Variants in NRIP1 observed in about 807,000 individuals in gnomAD.
NRIP1 encodes nuclear receptor-interacting protein 1.
A neutral mutation model predicts 75.0 loss-of-function variants in NRIP1; 28 were observed. The ratio of observed to expected loss-of-function variants is 0.37; its 90% CI spans 0.28 to 0.51. NRIP1 has a LOEUF of 0.51. Ranked by LOEUF, NRIP1 falls within the 20% of genes least tolerant of loss-of-function variation. The probability of loss-of-function intolerance (pLI) is 0.92; values close to 1 mark genes in which losing one functional copy is unlikely to be tolerated. For synonymous variants in NRIP1, 526 were observed against 487.6 expected (o/e 1.08, Z -1.04); for missense variants, 1,435 against 1,343.7 (o/e 1.07, Z -1.06).
chr21:15,059,690 C>T (rs565689763), intron 1 of NRIP1, among the ~76,000 whole-genome samples: 1 of 152,020 alleles, frequency 6.6e-6, no homozygotes, highest in Non-Finnish European at 1.5e-5. Flanking sequence ...TAATTATTTG[C>T]CCCATTATCT....
At chr21:15,045,174 T>C (rs192112774) in intron 1 of NRIP1, among the ~76,000 whole-genome samples, 2 of 152,238 alleles carry the variant, frequency 1.3e-5, no homozygotes, top group East Asian at 1.9e-4. Context: ...GGTTGGGTGG[T>C]AGGTGTCCAT....
chr21:14,965,556 A>T lies in NRIP1; in HGVS notation c.2637T>A (p.Asp879Glu), dbSNP rs1404608681. 2 of 1,613,954 alleles carry T rather than the reference A, an allele frequency of 1.2e-6. No homozygotes were observed. Among genetic ancestry groups the T allele is most frequent in the African/African-American group, 2.7e-5 (2 of 74,926 alleles). ...PFKKMKNNIVDAANNHSAPEV... is the reference protein window; with the variant it reads ...PFKKMKNNIVEAANNHSAPEV... ...CTGGGGCACTGTGATTGTTTGCAGC[A>T]TCAACAATGTTGTTTTTCATCTTTT... Residue 879 changes from aspartate to glutamate, a missense_variant, in exon 4 of 4, where the codon GAT becomes GAA. Transcript: ENST00000318948.
At position 14,968,238 on chromosome 21, in the gene NRIP1, A is replaced by G. The variant is rs1165986114; in HGVS notation, c.-46T>C. 4 of 1,392,858 alleles carry G rather than the reference A, an allele frequency of 2.9e-6. No homozygotes were observed. Among genetic ancestry groups the G allele is most frequent in the Admixed American group, 2.1e-5 (1 of 47,108 alleles). The allele number at this position is 1,392,858 out of a possible 1,614,324, so 86.3% of individuals were successfully genotyped here. On this transcript the variant is annotated 5_prime_UTR_variant, in exon 4 of 4. Coordinates refer to ENST00000318948, the MANE Select transcript of NRIP1 (RefSeq NM_003489.4). ...AGGGCTTGGTTTCTATTCACTTTAA[A>G]GAATGGTTTTCTGTGGTGAGTGCGA... is the stretch of plus-strand genomic sequence containing the variant.
chr21:15,012,161 C>T (rs2088118386), intron 3 of NRIP1, among the ~76,000 whole-genome samples: 1 of 152,116 alleles, frequency 6.6e-6, no homozygotes, highest in Admixed American at 6.5e-5. Flanking sequence ...CTGAGATATA[C>T]CAGATCCTCC....
intron 1 of NRIP1, among the ~76,000 whole-genome samples, chr21:15,057,526 C>T (rs1009379038): frequency 6.6e-6 from 1 of 152,172 alleles, no homozygotes; most frequent in Non-Finnish European, 1.5e-5. Context: ...GCAGAATCAT[C>T]GACTGGCAAC....
At chr21:15,018,693 CAT>C (rs2088295015) in intron 2 of NRIP1, among the ~76,000 whole-genome samples, 1 of 152,130 alleles carries the variant, frequency 6.6e-6, no homozygotes, top group Non-Finnish European at 1.5e-5. Context: ...ACCCCACACA[CAT>C]ATACACACAC....
At chr21:14,979,386 C>T (rs1181107793) in intron 3 of NRIP1, among the ~76,000 whole-genome samples, 1 of 152,156 alleles carries the variant, frequency 6.6e-6, no homozygotes, top group Non-Finnish European at 1.5e-5. Context: ...TCCTACTAAA[C>T]TCAACTATGG....
At chr21:15,032,963 C>T (rs2088742886) in intron 2 of NRIP1, among the ~76,000 whole-genome samples, 1 of 152,124 alleles carries the variant, frequency 6.6e-6, no homozygotes, top group South Asian at 2.1e-4. Flanking sequence ...CGGTGGCTCA[C>T]GCCTGTAATC....
At position 14,968,167 on chromosome 21, in the gene NRIP1, G is replaced by A; in HGVS notation, c.26C>T (p.Ser9Phe). 3 of 1,612,220 alleles carry A rather than the reference G, an allele frequency of 1.9e-6. No homozygotes were observed. Among genetic ancestry groups the A allele is most frequent in the Non-Finnish European group, 2.5e-6 (3 of 1,179,122 alleles). ...AACAATAGAATCCTGGTGCACATCAGAGCCAAGCTCTTCTCCATGAGTCAT... is the reference window on the plus strand; with the variant it reads ...AACAATAGAATCCTGGTGCACATCAAAGCCAAGCTCTTCTCCATGAGTCAT... MTHGEELGSDVHQDSIVLT... is the reference protein window; with the variant it reads MTHGEELGFDVHQDSIVLT... Residue 9 changes from serine to phenylalanine, a missense_variant, in exon 4 of 4, where the codon TCT (serine) becomes TTT (phenylalanine). Transcript: ENST00000318948.
In NRIP1 at chr21:14,966,851, G is replaced by C. The variant is rs2229742; in HGVS notation, c.1342C>G (p.Arg448Gly). ...CVPIDLSCKH[R>G]TEKSESDQPV... is the part of the protein sequence containing the mutation. The stretch of plus-strand genomic sequence containing the variant: ...TGGTCAGATTCTGATTTTTCAGTTC[G>C]GTGTTTGCAAGACAAGTCTATGGGA... The change falls in exon 4 of 4, where the codon CGA becomes GGA. Residue 448 changes from arginine (R) to glycine (G), a missense_variant. Physicochemically the swap from Arg to Gly is moderately radical, Grantham distance 125. Coordinates refer to ENST00000318948, the MANE Select transcript of NRIP1 (RefSeq NM_003489.4). 149,439 of 1,613,906 alleles carry C rather than the reference G, an allele frequency of 0.093. 7,528 individuals are homozygous for C. The highest frequency in any genetic ancestry group is 0.1 in the Non-Finnish European group (122,928 of 1,179,896).
At position 14,967,841 on chromosome 21, in the gene NRIP1, CAGCTAGCAA is replaced by C; in HGVS notation, c.343_351del (p.Leu115_Ala117del). The C allele has an allele frequency of 1.2e-6, 2 of 1,613,986 alleles. No individual in the cohort carries two copies. The highest frequency in any genetic ancestry group is 3.3e-5 in the Admixed American group (2 of 60,008). On this transcript the variant is annotated inframe_deletion, in exon 4 of 4. Transcript: ENST00000318948. ...CCTTTAGGCACACTGTCAACCATGCCAGCTAGCAAAGCTTCCTTCTTTACGTTTAAATTC... is the reference window on the plus strand; with the variant it reads ...CCTTTAGGCACACTGTCAACCATGCCAGCTTCCTTCTTTACGTTTAAATTC...
chr21:14,998,594 A>G (rs1439541376), intron 3 of NRIP1, among the ~76,000 whole-genome samples: 1 of 152,190 alleles, frequency 6.6e-6, no homozygotes, highest in Non-Finnish European at 1.5e-5. Flanking sequence ...GTGTGGGTCC[A>G]CTTATAAGCA....
intron 3 of NRIP1, among the ~76,000 whole-genome samples, chr21:14,999,777 G>T (rs1385848741): frequency 2.0e-5 from 3 of 152,162 alleles, no homozygotes; most frequent in Non-Finnish European, 4.4e-5. Flanking sequence ...ACTGAACTTA[G>T]GGAAGTATCA....
chr21:15,061,710 T>A (rs1005222365), intron 1 of NRIP1, among the ~76,000 whole-genome samples: 10 of 152,348 alleles, frequency 6.6e-5, no homozygotes, highest in Non-Finnish European at 7.4e-5. Flanking sequence ...CAAACAACAG[T>A]TAGAACATGA....
intron 3 of NRIP1, among the ~76,000 whole-genome samples, chr21:14,976,524 T>G (rs2087074331): frequency 6.6e-6 from 1 of 152,170 alleles, no homozygotes; most frequent in African/African-American, 2.4e-5. Context: ...AAGACAGTAG[T>G]AAATACTGTG....
chr21:15,006,339 T>C (rs1341702149), intron 3 of NRIP1, among the ~76,000 whole-genome samples: 1 of 152,214 alleles, frequency 6.6e-6, no homozygotes, highest in African/African-American at 2.4e-5. Flanking sequence ...GATTCTTCCC[T>C]GGCAATGCTC....
At position 15,041,266 on chromosome 21, in the gene NRIP1, T is replaced by C. The variant is rs79917492; in HGVS notation, c.-458+2229A>G. 0.014 allele frequency among the ~76,000 whole-genome samples: 2,103 copies of C among 152,236 alleles called. 217 individuals are homozygous for C. The East Asian group carries it at 0.26, about 19-fold the overall frequency. ...TTCATACGACATGGTTCCAACTTTATATAGTTTAAAACAGGCAAAACTAAT... is the reference window on the plus strand; with the variant it reads ...TTCATACGACATGGTTCCAACTTTACATAGTTTAAAACAGGCAAAACTAAT... On this transcript the variant is annotated intron_variant, in intron 2 of 3. Coordinates refer to ENST00000318948, the MANE Select transcript of NRIP1 (RefSeq NM_003489.4).
Position 14,964,952 on chromosome 21 carries a change from T to G in NRIP1, c.3241A>C (p.Ser1081Arg), listed in dbSNP as rs745704844. The G allele has an allele frequency of 9.3e-6, 15 of 1,613,870 alleles. No individual in the cohort carries two copies. The Admixed American group carries it at 2.0e-4, about 22-fold the overall frequency. ...MLQKGGNSVT[S>R]RETQDKDIWR... ...ATGTCCTTGTCTTGTGTTTCTCGAC[T>G]GGTAACAGAATTGCCTCCTTTTTGA... Residue 1081 changes from serine (S) to arginine (R), a missense_variant, in exon 4 of 4, where the codon AGT becomes CGT. Physicochemically the swap from Ser to Arg is moderately radical, Grantham distance 110 (BLOSUM62 -1). Transcript: ENST00000318948.
Position 14,965,517 on chromosome 21 carries a change from C to A in NRIP1, c.2676G>T (p.Gly892=). 1 of 1,614,058 alleles carries A rather than the reference C, an allele frequency of 6.2e-7. No homozygotes were observed. The highest frequency in any genetic ancestry group is 8.5e-7 in the Non-Finnish European group (1 of 1,179,960). The part of the protein sequence containing the change: ...NNHSAPEVLY[G]SLLNQEELKF... ...TCAGCTCTTCCTGGTTAAGCAAGGA[C>A]CCATACAGTACTTCTGGGGCACTGT... is the stretch of plus-strand genomic sequence containing the variant. Residue 892 remains glycine, a synonymous_variant, in exon 4 of 4, where the codon GGG becomes GGT. Coordinates refer to ENST00000318948, the MANE Select transcript of NRIP1 (RefSeq NM_003489.4).
Sources: gnomAD v4.1 joint callset for allele counts (sites outside exome capture counted in the v4.1 genomes callset) on GRCh38, gnomAD v4.1.1 for gene constraint, MANE v1.5 for transcripts, NCBI Gene and HGNC (gene_info 2026-07-23, HGNC 2026-07-21) for gene names.